The following ARMC8 variants were observed in gnomAD, a reference collection of about 807,000 sequenced individuals.
The protein encoded by ARMC8 is armadillo repeat-containing protein 8.
Under a neutral mutation model 99.3 loss-of-function variants are expected in ARMC8, and 20 were observed. The ratio of observed to expected loss-of-function variants is 0.20; its 90% CI spans 0.14 to 0.29. ARMC8 has a LOEUF of 0.29. Among genes scored for constraint, ARMC8 ranks in the 10% least tolerant of loss-of-function variants. ARMC8 has a pLI of 1.00. For synonymous variants in ARMC8, 263 were observed against 278.3 expected (o/e 0.95, Z 0.55); for missense variants, 569 against 809.5 (o/e 0.70, Z 3.60).
chr3:138,216,940 C>A (rs1179844380), intron 2 of ARMC8, among the ~76,000 whole-genome samples: 1 of 152,188 alleles, frequency 6.6e-6, no homozygotes, highest in South Asian at 2.1e-4. Context: ...AAGTCAGTGA[C>A]CCTGTAAGAA....
Position 138,296,595 on chromosome 3 carries a change from C to T in ARMC8, c.*703C>T, listed in dbSNP as rs1034875829. 6.6e-6 allele frequency: 1 copy of T among 152,024 alleles called. No individual in the cohort carries two copies. Among genetic ancestry groups the T allele is most frequent in the African/African-American group, 2.4e-5 (1 of 41,378 alleles). 9.4% of individuals were successfully genotyped at this position (152,024 alleles called of 1,614,324 possible). On this transcript the variant is annotated 3_prime_UTR_variant, in exon 22 of 22. Coordinates refer to ENST00000469044, the MANE Select transcript of ARMC8 (RefSeq NM_001363941.2). The stretch of plus-strand genomic sequence containing the variant: ...GGCTATAGTTGGCCTGATTAACAGG[C>T]ACTATACATGGTGCTGTGCAAAATA...
intron 12 of ARMC8, 74 bp from the exon 13 acceptor site, chr3:138,263,665 A>C: frequency 8.1e-7 from 1 of 1,242,012 alleles, no homozygotes; most frequent in Non-Finnish European, 1.2e-6. Flanking sequence ...GGATGTTAAC[A>C]TACTTGCATT....
At chr3:138,294,239 TC>T (rs1346393749) in intron 21 of ARMC8, among the ~76,000 whole-genome samples, 3 of 152,182 alleles carry the variant, frequency 2.0e-5, no homozygotes, top group Non-Finnish European at 4.4e-5. Flanking sequence ...AAGACTTTGA[TC>T]CTTTGACTTT....
intron 1 of ARMC8, among the ~76,000 whole-genome samples, chr3:138,208,443 G>C (rs1467121783): frequency 2.0e-5 from 3 of 152,200 alleles, no homozygotes; most frequent in African/African-American, 7.2e-5. Flanking sequence ...CTCTAGCCTG[G>C]GCAACAGAGC....
chr3:138,218,128 A>G (rs1303732819), intron 2 of ARMC8, among the ~76,000 whole-genome samples: 2 of 152,206 alleles, frequency 1.3e-5, no homozygotes, highest in African/African-American at 4.8e-5. Context: ...GAAGGGTCCA[A>G]AAGTCTAATG....
chr3:138,274,967 A>G (rs1191421715), intron 18 of ARMC8, among the ~76,000 whole-genome samples: 2 of 152,116 alleles, frequency 1.3e-5, no homozygotes, highest in African/African-American at 4.8e-5. Flanking sequence ...GATAGTTTTC[A>G]TTTCTTTTCT....
At chr3:138,208,408 A>G (rs567019237) in intron 1 of ARMC8, among the ~76,000 whole-genome samples, 1 of 152,324 alleles carries the variant, frequency 6.6e-6, no homozygotes, top group East Asian at 1.9e-4. Flanking sequence ...GGAGGTTGCA[A>G]GTGAGCCAAG....
intron 12 of ARMC8, chr3:138,245,577 C>T: frequency 9.6e-7 from 1 of 1,046,634 alleles, no homozygotes; most frequent in Non-Finnish European, 1.2e-6. Context: ...TTGAGAAATT[C>T]AAATCTCTAT....
At chr3:138,269,820 C>CTT (rs77095833) in intron 15 of ARMC8, among the ~76,000 whole-genome samples, 2,283 of 121,504 alleles carry the variant, frequency 0.019, 56 homozygotes, top group South Asian at 0.043. Flanking sequence ...TGTTTTCTTT[C>CTT]TTTTTTTTTT....
At chr3:138,289,376 C>G (rs1214878684) in intron 20 of ARMC8, among the ~76,000 whole-genome samples, 1 of 152,090 alleles carries the variant, frequency 6.6e-6, no homozygotes, top group African/African-American at 2.4e-5. Flanking sequence ...AGTGACAGTC[C>G]CTGCCAGGAG....
chr3:138,189,219 G>GT (rs1196852197), intron 1 of ARMC8, among the ~76,000 whole-genome samples: 3 of 151,004 alleles, frequency 2.0e-5, no homozygotes, highest in Admixed American at 1.3e-4. Flanking sequence ...TTCTTGAAGA[G>GT]TATTTTCTAT....
At chr3:138,229,052 T>C (rs774904950) in intron 6 of ARMC8, 42 bp downstream of exon 6, 8 of 1,443,810 alleles carry the variant, frequency 5.5e-6, no homozygotes, top group South Asian at 3.5e-5. Flanking sequence ...TAAAATCTTA[T>C]TATGCCTTTA....
At chr3:138,284,579 T>G in intron 19 of ARMC8, 53 bp downstream of exon 19, 3 of 1,303,820 alleles carry the variant, frequency 2.3e-6, no homozygotes, top group Non-Finnish European at 3.3e-6. Flanking sequence ...ACTGTTGCAT[T>G]TTTAACTCAA....
At chr3:138,199,518 A>T (rs758811048) in intron 1 of ARMC8, among the ~76,000 whole-genome samples, 1 of 152,186 alleles carries the variant, frequency 6.6e-6, no homozygotes, top group Non-Finnish European at 1.5e-5. Context: ...TTCCCTCAAA[A>T]TTAGGAAAGA....
chr3:138,293,173 G>T (rs567824475), intron 21 of ARMC8, among the ~76,000 whole-genome samples: 1 of 152,120 alleles, frequency 6.6e-6, no homozygotes, highest in East Asian at 1.9e-4. Context: ...GAAGTAAATG[G>T]CTCTTCCAGA....
chr3:138,191,358 G>A (rs2043372310), intron 1 of ARMC8, among the ~76,000 whole-genome samples: 1 of 152,128 alleles, frequency 6.6e-6, no homozygotes, highest in African/African-American at 2.4e-5. Flanking sequence ...TATGTTGATT[G>A]CATTTTTAAA....
rs574376019 is a variant in ARMC8 at position 138,276,292 on chromosome 3, C to T, written c.1725+1748C>T. ...TGACATACAATTGACATACAATAAG[C>T]TGCACATATTTAAAGTATACAGTGT... On this transcript the variant is annotated intron_variant, in intron 18 of 21. Coordinates refer to ENST00000469044, the MANE Select transcript of ARMC8 (RefSeq NM_001363941.2). Among the ~76,000 whole-genome samples the T allele has an allele frequency of 4.6e-5, 7 of 152,318 alleles. No homozygotes were observed. The South Asian group carries it at 1.4e-3, about 32-fold the overall frequency.
intron 14 of ARMC8, among the ~76,000 whole-genome samples, chr3:138,266,232 G>A (rs2048272377): frequency 6.6e-6 from 1 of 151,982 alleles, no homozygotes; most frequent in Non-Finnish European, 1.5e-5. Flanking sequence ...AGATCCTTTT[G>A]CTTCCTGAAC....
chr3:138,211,129 C>G (rs892037140), intron 2 of ARMC8, among the ~76,000 whole-genome samples: 18 of 152,088 alleles, frequency 1.2e-4, no homozygotes, highest in African/African-American at 4.1e-4. Context: ...TTAAATAAAT[C>G]AGTTTGGGTT....
Sources: gnomAD v4.1 joint callset for allele counts (sites outside exome capture counted in the v4.1 genomes callset) on GRCh38, gnomAD v4.1.1 for gene constraint, MANE v1.5 for transcripts, NCBI Gene and HGNC (gene_info 2026-07-23, HGNC 2026-07-21) for gene names.